Variants in EVL observed in about 807,000 individuals in gnomAD.
EVL encodes Enah/Vasp-like.
In EVL, 21 loss-of-function variants were observed where a neutral mutation model predicts 59.6. The observed-to-expected ratio is 0.35, with a 90% CI of 0.25 to 0.51. The LOEUF (loss-of-function observed/expected upper bound fraction) is 0.51. Among genes scored for constraint, EVL ranks in the 20% least tolerant of loss-of-function variants. The pLI is 0.97. For synonymous variants in EVL, 198 were observed against 203.5 expected (o/e 0.97, Z 0.23); for missense variants, 462 against 546.6 (o/e 0.85, Z 1.54).
chr14:100,021,415 C>T (rs1231164963), intron 1 of EVL, among the ~76,000 whole-genome samples: 2 of 152,126 alleles, frequency 1.3e-5, no homozygotes, highest in Non-Finnish European at 2.9e-5. Context: ...TAAGCTGGCC[C>T]TGAAAAATTT....
At chr14:100,100,191 G>A (rs572970592) in intron 3 of EVL, among the ~76,000 whole-genome samples, 1 of 152,022 alleles carries the variant, frequency 6.6e-6, no homozygotes, top group Non-Finnish European at 1.5e-5. Flanking sequence ...TCCAGAACCC[G>A]ACCTCCTACA....
rs1230816456 is a variant in EVL at position 100,047,114 on chromosome 14, CTCTCTTTTTTT to C, written c.6-37571_6-37561del. ...ATTTTGAGACCTTGGGCAGATCTCT[CTCTCTTTTTTT>C]TTTTTTTTTTTTTTTTTTTTACCTG... On this transcript the variant is annotated intron_variant, in intron 1 of 13. Coordinates refer to the EVL transcript ENST00000402714. Among the ~76,000 whole-genome samples the C allele has an allele frequency of 1.5e-3, 147 of 95,108 alleles. 14 individuals carry two copies. Among genetic ancestry groups the C allele is most frequent in the African/African-American group, 2.6e-3 (63 of 24,016 alleles). 62.4% of individuals were successfully genotyped at this position (95,108 alleles called of 152,430 possible).
chr14:100,049,545 A>C (rs2061612160), intron 1 of EVL, among the ~76,000 whole-genome samples: 1 of 152,202 alleles, frequency 6.6e-6, no homozygotes, highest in South Asian at 2.1e-4. Context: ...GGTTTTCTTC[A>C]ACAGTCTCAA....
At chr14:100,016,325 T>A (rs2061049845) in intron 1 of EVL, among the ~76,000 whole-genome samples, 1 of 152,080 alleles carries the variant, frequency 6.6e-6, no homozygotes, top group Non-Finnish European at 1.5e-5. Context: ...GGTCAAGAGA[T>A]CAACACCATC....
chr14:100,115,277 A>G (rs950265035), intron 3 of EVL, among the ~76,000 whole-genome samples: 11 of 152,092 alleles, frequency 7.2e-5, no homozygotes, highest in African/African-American at 2.7e-4. Flanking sequence ...GAAGCTGGAG[A>G]CTGGGTCTAG....
chr14:100,134,338 C>T (rs1375250845), intron 8 of EVL, among the ~76,000 whole-genome samples: 1 of 152,228 alleles, frequency 6.6e-6, no homozygotes, highest in East Asian at 1.9e-4. Context: ...AAAACTCTCG[C>T]TCCTGGAGCT....
chr14:100,079,282 C>G (rs2062237883), intron 1 of EVL, among the ~76,000 whole-genome samples: 1 of 152,222 alleles, frequency 6.6e-6, no homozygotes, highest in African/African-American at 2.4e-5. Context: ...TACACTTTTT[C>G]TGAGAATAAA....
At chr14:100,030,287 A>C (rs1230000923) in intron 1 of EVL, among the ~76,000 whole-genome samples, 1 of 151,140 alleles carries the variant, frequency 6.6e-6, no homozygotes, top group Non-Finnish European at 1.5e-5. Context: ...TTTTTAGTAG[A>C]GATAGAGTTT....
chr14:100,057,120 G>C (rs1435295783), intron 1 of EVL, among the ~76,000 whole-genome samples: 1 of 152,198 alleles, frequency 6.6e-6, no homozygotes, highest in African/African-American at 2.4e-5. Context: ...GGTTGTTTCA[G>C]GAGGTGAGGA....
intron 1 of EVL, among the ~76,000 whole-genome samples, chr14:100,011,740 G>C (rs2061018296): frequency 6.6e-6 from 1 of 152,178 alleles, no homozygotes; most frequent in Non-Finnish European, 1.5e-5. Flanking sequence ...CACGTGGATA[G>C]TAAGTTGCTC....
intron 3 of EVL, among the ~76,000 whole-genome samples, chr14:100,101,574 C>G (rs1886226346): frequency 6.6e-6 from 1 of 152,068 alleles, no homozygotes; most frequent in Admixed American, 6.5e-5. Flanking sequence ...ACCCAGGAGG[C>G]AGAGGTTGCA....
chr14:100,091,791 C>G (rs929717036), intron 2 of EVL, among the ~76,000 whole-genome samples: 2 of 152,168 alleles, frequency 1.3e-5, no homozygotes, highest in Non-Finnish European at 2.9e-5. Context: ...CCTGCACTTG[C>G]GACTGGCATC....
At chr14:100,041,923 G>A (rs1436294420) in intron 1 of EVL, among the ~76,000 whole-genome samples, 1 of 152,216 alleles carries the variant, frequency 6.6e-6, no homozygotes, top group Non-Finnish European at 1.5e-5. Flanking sequence ...ACAGAGAATA[G>A]TGAATAGTTG....
At chr14:100,033,532 A>C (rs1268957612) in intron 1 of EVL, among the ~76,000 whole-genome samples, 2 of 152,200 alleles carry the variant, frequency 1.3e-5, no homozygotes, top group East Asian at 3.8e-4. Context: ...TCATCATTCC[A>C]TAGCTGCTTT....
intron 1 of EVL, among the ~76,000 whole-genome samples, chr14:100,055,311 TA>T (rs2140253412): frequency 6.6e-6 from 1 of 152,282 alleles, no homozygotes; most frequent in Non-Finnish European, 1.5e-5. Flanking sequence ...TCTCTGCGCA[TA>T]ATGTTTTCTA....
At chr14:100,044,405 TAAC>T (rs1014983037) in intron 1 of EVL, among the ~76,000 whole-genome samples, 38 of 152,212 alleles carry the variant, frequency 2.5e-4, no homozygotes, top group African/African-American at 9.1e-4. Flanking sequence ...ATACATACAA[TAAC>T]AACGAGAACA....
intron 3 of EVL, among the ~76,000 whole-genome samples, chr14:100,111,000 G>C (rs1025580333): frequency 1.3e-5 from 2 of 152,152 alleles, no homozygotes; most frequent in Non-Finnish European, 2.9e-5. Context: ...GCCATGGTCA[G>C]CACAGTGGTT....
intron 1 of EVL, among the ~76,000 whole-genome samples, chr14:100,051,864 C>A (rs897362626): frequency 6.6e-6 from 1 of 152,180 alleles, no homozygotes; most frequent in African/African-American, 2.4e-5. Flanking sequence ...GCTCCTTTCT[C>A]CCATCAGCTT....
chr14:99,983,509 G>T (rs979468106), intron 1 of EVL, among the ~76,000 whole-genome samples: 2 of 152,122 alleles, frequency 1.3e-5, no homozygotes, highest in Non-Finnish European at 2.9e-5. Flanking sequence ...CAAGAGCTTG[G>T]TTTTGGCAGC....
Sources: allele counts gnomAD v4.1 joint callset (sites outside exome capture counted in the v4.1 genomes callset), GRCh38; gene constraint gnomAD v4.1.1; transcripts MANE v1.5; gene names NCBI Gene and HGNC (gene_info 2026-07-23, HGNC 2026-07-21).